Variants in DEF8 observed in about 807,000 individuals in gnomAD.
DEF8 encodes differentially expressed in FDCP 8 homolog.
DEF8 carries 38 observed loss-of-function variants against 59.1 expected under a neutral mutation model. That is an observed-to-expected ratio of 0.64 (90% CI 0.50 to 0.84). The LOEUF is 0.84. Among genes scored for constraint, DEF8 ranks in the 40% least tolerant of loss-of-function variants. The pLI is 0.00. For synonymous variants in DEF8, 265 were observed against 250.1 expected, an observed-to-expected ratio of 1.06 and a Z score of -0.56; for missense variants, 557 against 615.2, an observed-to-expected ratio of 0.91 and a Z score of 1.00.
chr16:89,957,310 G>C, intron 4 of DEF8: 1 of 535,288 alleles, frequency 1.9e-6, no homozygotes, highest in Non-Finnish European at 3.3e-6. Context: ...GGTCAGGCTA[G>C]GAGCACGCAG....
In DEF8 at chr16:89,948,789, G is replaced by A; in HGVS notation, c.-133G>A. 1 of 984,034 alleles carries A rather than the reference G, an allele frequency of 1.0e-6. No individual in the cohort carries two copies. Among genetic ancestry groups the A allele is most frequent in the East Asian group, 1.1e-4 (1 of 8,698 alleles). The allele number at this position is 984,034 out of a possible 1,614,324, so 61.0% of individuals were successfully genotyped here. A position where few individuals can be genotyped will look rare whatever the true frequency, so the allele number is the denominator to read the frequency against. Reference sequence around the variant, plus strand: ...CGGCCGGGCGGATCCAGCGCAGCCGGGAGACAGATGCGAGGCGGCGGTCAG... The same window carrying A: ...CGGCCGGGCGGATCCAGCGCAGCCGAGAGACAGATGCGAGGCGGCGGTCAG... On this transcript the variant is annotated 5_prime_UTR_variant, in exon 1 of 13. Transcript: ENST00000563594.
chr16:89,954,440 CCTTT>C lies in DEF8; in HGVS notation c.124+68_124+71del, dbSNP rs2032764199. On this transcript the variant is annotated intron_variant, in intron 3 of 12. Transcript: ENST00000563594. This position sits in a 1 kb window ranked among gnomAD's most constrained non-coding sequence, Gnocchi z 4.3. ...TCTCTGACTGCTTACGTGGACCCCT[CCTTT>C]CTTCCTGCCGCGTCCTGCGCAGCCC... The C allele has an allele frequency of 1.9e-6, 3 of 1,562,136 alleles. No homozygotes were observed. The East Asian group carries it at 6.8e-5, about 35-fold the overall frequency.
At position 89,959,096 on chromosome 16, in the gene DEF8, C is replaced by G; in HGVS notation, c.455C>G (p.Thr152Ser). The change falls in exon 6 of 13, where the codon ACC becomes AGC. Residue 152 changes from threonine to serine, a missense_variant. Coordinates refer to ENST00000563594, the MANE Select transcript of DEF8 (RefSeq NM_001242818.2). ...GAGAAGAGCAAGAGCGTCAAGCAGA[C>G]CTGTGACAAGTGTAACACCATCATC... ...YKEKSKSVKQ[T>S]CDKCNTIIWG... 1 of 1,613,898 alleles carries G rather than the reference C, an allele frequency of 6.2e-7. No homozygotes were observed.
intron 12 of DEF8, 26 bp downstream of exon 12, chr16:89,964,601 CG>C: frequency 2.0e-6 from 3 of 1,525,784 alleles, no homozygotes; most frequent in Non-Finnish European, 8.8e-7. Flanking sequence ...GCCCCGCACT[CG>C]GGGGCTGGGG....
chr16:89,962,157 G>T (rs1334636221), intron 9 of DEF8, 32 bp downstream of exon 9: 1 of 1,587,920 alleles, frequency 6.3e-7, no homozygotes, highest in Non-Finnish European at 8.6e-7. Flanking sequence ...TGGGGGGCGG[G>T]GGCGCTGTGT....
rs752457478 is a variant in DEF8, at chr16:89,962,090, C to T, written c.886C>T (p.Leu296=). ...CAGGCTCCGGGAGATCAACCCTCTG[C>T]TGTTCAGCTACGTGGAGGAGCTGGT... is the stretch of plus-strand genomic sequence containing the variant. The part of the protein sequence containing the change: ...VLRLREINPL[L]FSYVEELVEI... Residue 296 remains leucine, a synonymous_variant, in exon 9 of 13, where the codon CTG becomes TTG. Transcript: ENST00000563594. The T allele has an allele frequency of 3.7e-6, 6 of 1,613,908 alleles. No homozygotes were observed. The Admixed American group carries it at 6.7e-5, about 18-fold the overall frequency.
chr16:89,963,649 C>G, intron 10 of DEF8: 1 of 572,758 alleles, frequency 1.7e-6, no homozygotes, highest in East Asian at 2.9e-5. Flanking sequence ...CCCTGCAGCC[C>G]TTATGTGAAT....
chr16:89,951,996 G>C (rs1009189166), intron 2 of DEF8, among the ~76,000 whole-genome samples: 3 of 152,000 alleles, frequency 2.0e-5, no homozygotes, highest in Non-Finnish European at 4.4e-5. Context: ...TGCTGCCTCA[G>C]CCTCCCGAGT....
rs868676633 is a variant in DEF8 at position 89,962,612 on chromosome 16, C to T, written c.921+487C>T. Among the ~76,000 whole-genome samples the T allele has an allele frequency of 4.7e-4, 72 of 152,206 alleles. 2 individuals carry two copies. The Middle Eastern group carries it at 0.017, about 36-fold the overall frequency. On this transcript the variant is annotated intron_variant, in intron 9 of 12. Transcript: ENST00000563594. The stretch of plus-strand genomic sequence containing the variant: ...CTGAGGTTGCTGTGAGCCGAGATCG[C>T]GTCACTGCACTCCAGCCTGGGCAAC...
chr16:89,952,211 C>G (rs1373149429), intron 2 of DEF8, among the ~76,000 whole-genome samples: 1 of 152,214 alleles, frequency 6.6e-6, no homozygotes, highest in African/African-American at 2.4e-5. Context: ...GATAGGGCCT[C>G]ATTGCATTGG....
rs910133907 is a variant in DEF8, at chr16:89,959,105, A to G, written c.464A>G (p.Lys155Arg). ...KSKSVKQTCD[K>R]CNTIIWGLIQ... ...AAGAGCGTCAAGCAGACCTGTGACA[A>G]GTGTAACACCATCATCTGGGGGCTC... The change falls in exon 6 of 13, where the codon AAG becomes AGG. Residue 155 changes from lysine to arginine, a missense_variant. By Grantham distance (26) the Lys-to-Arg change is conservative (BLOSUM62 2). Coordinates refer to ENST00000563594, the MANE Select transcript of DEF8 (RefSeq NM_001242818.2). 3 of 1,613,786 alleles carry G rather than the reference A, an allele frequency of 1.9e-6. No homozygotes were observed. In the African/African-American group the frequency reaches 4.0e-5, roughly 22 times the overall value.
chr16:89,961,668 C>T, intron 7 of DEF8, 69 bp from the exon 8 acceptor site: 4 of 1,592,128 alleles, frequency 2.5e-6, no homozygotes, highest in Non-Finnish European at 3.4e-6. Context: ...GGAGGACAGA[C>T]CATGAGGCTG....
chr16:89,958,721 C>G (rs528419562), intron 5 of DEF8, among the ~76,000 whole-genome samples: 3 of 152,184 alleles, frequency 2.0e-5, no homozygotes, highest in African/African-American at 4.8e-5. Context: ...GAGGCCGGGT[C>G]GCTCCCGCTC....
At chr16:89,952,911 GCCT>G (rs1172843474) in intron 2 of DEF8, among the ~76,000 whole-genome samples, 1 of 152,200 alleles carries the variant, frequency 6.6e-6, no homozygotes, top group African/African-American at 2.4e-5. Context: ...GGTTGGGGTG[GCCT>G]CCTTATCCCA....
rs762014469 is a variant in DEF8 at position 89,967,726 on chromosome 16, A to G, written c.*1763A>G. On this transcript the variant is annotated 3_prime_UTR_variant, in exon 13 of 13. Transcript: ENST00000563594. ...TCATATGGATATTAGCCATTCCGAAATCTGTGTAATCAACTTCACATTATT... is the reference window on the plus strand; with the variant it reads ...TCATATGGATATTAGCCATTCCGAAGTCTGTGTAATCAACTTCACATTATT... 18 of 362,608 alleles carry G rather than the reference A, an allele frequency of 5.0e-5. No individual in the cohort carries two copies. Among genetic ancestry groups the G allele is most frequent in the Non-Finnish European group, 6.4e-5 (13 of 203,764 alleles). 22.5% of individuals were successfully genotyped at this position (362,608 alleles called of 1,614,324 possible). A position where few individuals can be genotyped will look rare whatever the true frequency, so the allele number is the denominator to read the frequency against.
At chr16:89,962,210 G>A in intron 9 of DEF8, 85 bp downstream of exon 9, 1 of 1,225,018 alleles carries the variant, frequency 8.2e-7, no homozygotes, top group Admixed American at 2.0e-5. Flanking sequence ...TTCTCCTCTG[G>A]GCCACGGGAG....
At chr16:89,960,345 A>C (rs1470912204) in intron 6 of DEF8, among the ~76,000 whole-genome samples, 1 of 152,018 alleles carries the variant, frequency 6.6e-6, no homozygotes, top group Non-Finnish European at 1.5e-5. Context: ...GGAATGTAAC[A>C]GATTAGAAAA....
rs753443355 is a variant in DEF8, at chr16:89,962,170, G to C, written c.921+45G>C. 3.2e-6 allele frequency: 5 copies of C among 1,556,352 alleles called. No homozygotes were observed. In the South Asian group the frequency reaches 5.7e-5, roughly 18 times the overall value. ...AGTGGGGGGCGGGGGCGCTGTGTCA[G>C]GTGGGCCCTAGGGCCGGGCCAGTAC... On this transcript the variant is annotated intron_variant, in intron 9 of 12. Coordinates refer to ENST00000563594, the MANE Select transcript of DEF8 (RefSeq NM_001242818.2).
rs968345171 is a variant in DEF8 at position 89,954,727 on chromosome 16, G to A, written c.124+351G>A. 2.6e-5 allele frequency among the ~76,000 whole-genome samples: 4 copies of A among 152,202 alleles called. No homozygotes were observed. The highest frequency in any genetic ancestry group is 4.8e-5 in the African/African-American group (2 of 41,438). Reference sequence around the variant, plus strand: ...TGCTCTGGGCGTCAGGGTGGCATGAGCTTTAGAAACTGCAGATGAGGTCAT... The same window carrying A: ...TGCTCTGGGCGTCAGGGTGGCATGAACTTTAGAAACTGCAGATGAGGTCAT... On this transcript the variant is annotated intron_variant, in intron 3 of 12. Coordinates refer to ENST00000563594, the MANE Select transcript of DEF8 (RefSeq NM_001242818.2). This position sits in a 1 kb window ranked among gnomAD's most constrained non-coding sequence, Gnocchi z 4.3.
Sources: allele counts gnomAD v4.1 joint callset (sites outside exome capture counted in the v4.1 genomes callset), GRCh38; gene constraint gnomAD v4.1.1; non-coding constraint Gnocchi (gnomAD v3.1); transcripts MANE v1.5; gene names NCBI Gene and HGNC (gene_info 2026-07-23, HGNC 2026-07-21).